The following RABL6 variants were observed in gnomAD, a reference collection of about 807,000 sequenced individuals.
The protein encoded by RABL6 is rab-like protein 6.
In RABL6, 28 loss-of-function variants were observed where a neutral mutation model predicts 72.9. The ratio of observed to expected loss-of-function variants is 0.38; its 90% CI spans 0.28 to 0.53. The LOEUF is 0.53. Among genes scored for constraint, RABL6 ranks in the 20% least tolerant of loss-of-function variants. The pLI is 0.80. For missense variants in RABL6, 1,029 were observed against 1,008.4 expected (o/e 1.02, Z -0.28); for synonymous variants, 477 against 421.2 (o/e 1.13, Z -1.62).
chr9:136,838,973 G>T lies in RABL6; in HGVS notation c.1345G>T (p.Asp449Tyr), dbSNP rs1236650033. The T allele has an allele frequency of 2.5e-6, 4 of 1,611,414 alleles. No individual in the cohort carries two copies. The African/African-American group carries it at 5.3e-5, about 21-fold the overall frequency. Reference protein sequence around the residue: ...AGFQDDVDLEDQPRGSPPLPA... With the variant: ...AGFQDDVDLEYQPRGSPPLPA... ...GTTCCAGGACGATGTGGACCTCGAA[G>T]ACCAGCCACGTGGGAGTCCCCCGCT... Residue 449 changes from aspartate (D) to tyrosine (Y), a missense_variant, in exon 11 of 15, where the codon GAC (aspartate) becomes TAC (tyrosine). By Grantham distance (160) the Asp-to-Tyr change is radical (BLOSUM62 -3). This residue lies in a region of RABL6 where 595 missense variants were observed against 472.4 expected (regional missense o/e 1.26). Transcript: ENST00000311502.
In RABL6 at chr9:136,823,636, C is replaced by T; in HGVS notation, c.242C>T (p.Thr81Ile). Residue 81 changes from threonine to isoleucine, a missense_variant, in exon 2 of 15, where the codon ACC becomes ATC. Physicochemically the swap from Thr to Ile is moderately conservative, Grantham distance 89. Transcript: ENST00000311502. ...EYIPTQEIQV[T>I]SIHWSYKTTD... ...ATCCCCACACAGGAGATCCAGGTCA[C>T]CAGCATCCACTGGAGCTACAAGAGT... is the stretch of plus-strand genomic sequence containing the variant. The T allele has an allele frequency of 1.9e-6, 3 of 1,612,608 alleles. No individual in the cohort carries two copies. Among genetic ancestry groups the T allele is most frequent in the Non-Finnish European group, 2.5e-6 (3 of 1,179,166 alleles).
At position 136,840,116 on chromosome 9, in the gene RABL6, G is replaced by GGC. The variant is rs776862945; in HGVS notation, c.1931-37_1931-36dup. On this transcript the variant is annotated intron_variant, in intron 13 of 14. Transcript: ENST00000311502. The stretch of plus-strand genomic sequence containing the variant: ...TGTCACCCAGCTTGGGGTCCCCGTT[G>GGC]GCCTGAGTTTGAGCCACTGTCTGTC... 4 of 1,612,530 alleles carry GGC rather than the reference G, an allele frequency of 2.5e-6. No homozygotes were observed. In the African/African-American group the frequency reaches 5.3e-5, roughly 22 times the overall value.
At chr9:136,814,063 A>G in intron 1 of RABL6, 1 of 384,136 alleles carries the variant, frequency 2.6e-6, no homozygotes, top group Non-Finnish European at 5.2e-6. Context: ...CAAACCAGCG[A>G]GTTCCAAGGC....
Position 136,840,212 on chromosome 9 carries a change from G to A in RABL6, c.1989G>A (p.Glu663=). The change falls in exon 14 of 15, where the codon GAG becomes GAA. Residue 663 remains glutamate, a splice_region_variant and synonymous_variant. Transcript: ENST00000311502. Reference sequence around the variant, plus strand: ...AGAAGAAGAAGAAAAAAGGCAAAGAGGTACTGGCTACTCCCCTTCCTGGCA... The same window carrying A: ...AGAAGAAGAAGAAAAAAGGCAAAGAAGTACTGGCTACTCCCCTTCCTGGCA... The part of the protein sequence containing the change: ...EKKKKKKKGK[E]EEEKAAKKKS... 1 of 1,612,876 alleles carries A rather than the reference G, an allele frequency of 6.2e-7. No individual in the cohort carries two copies. The highest frequency in any genetic ancestry group is 8.5e-7 in the Non-Finnish European group (1 of 1,179,824).
intron 3 of RABL6, chr9:136,827,476 C>A (rs575824463): frequency 6.6e-6 from 1 of 152,272 alleles, no homozygotes; most frequent in African/African-American, 2.4e-5. Flanking sequence ...GTCCCGCCTG[C>A]TTTCCCCAAA....
intron 1 of RABL6, chr9:136,822,171 T>C: frequency 9.1e-7 from 1 of 1,100,212 alleles, no homozygotes; most frequent in Non-Finnish European, 1.2e-6. Flanking sequence ...GTTGGGAGCT[T>C]GGGGTCCCCC....
intron 13 of RABL6, 104 bp from the exon 14 acceptor site, chr9:136,840,050 A>G: frequency 6.5e-7 from 1 of 1,546,950 alleles, no homozygotes; most frequent in East Asian, 2.2e-5. Flanking sequence ...GGCCTCCTGG[A>G]GGGCTGGGGC....
chr9:136,821,439 G>A (rs1467484192), intron 1 of RABL6: 2 of 985,352 alleles, frequency 2.0e-6, no homozygotes, highest in Non-Finnish European at 2.4e-6. Flanking sequence ...CCGCCGCTCA[G>A]GCCGTGGACC....
intron 8 of RABL6, 118 bp from the exon 9 acceptor site, chr9:136,837,228 G>T (rs1293747656): frequency 1.7e-6 from 2 of 1,179,054 alleles, no homozygotes; most frequent in Admixed American, 4.0e-5. Flanking sequence ...GGGGCGGGTG[G>T]CCCAGAACAC....
In RABL6 at chr9:136,828,501, C is replaced by G. The variant is rs750129558; in HGVS notation, c.321C>G (p.Cys107Trp). 6.2e-7 allele frequency: 1 copy of G among 1,613,006 alleles called. No homozygotes were observed. The highest frequency in any genetic ancestry group is 8.5e-7 in the Non-Finnish European group (1 of 1,179,750). Reference sequence around the variant, plus strand: ...TGTTTGTTTTTAAATAAGGAAAATGCAAAAAGCGAGGCGACGGCTTAAAGA... The same window carrying G: ...TGTTTGTTTTTAAATAAGGAAAATGGAAAAAGCGAGGCGACGGCTTAAAGA... ...EVWDVVDKGK[C>W]KKRGDGLKME... Residue 107 changes from cysteine (C) to tryptophan (W), a missense_variant, in exon 4 of 15, where the codon TGC becomes TGG. This residue lies in a region of RABL6 where 434 missense variants were observed against 536.1 expected (regional missense o/e 0.81). Transcript: ENST00000311502.
In RABL6 at chr9:136,808,162, C is replaced by T. The variant is rs1478623248; in HGVS notation, c.-35C>T. ...CCTTCCCCGCCGCCGCTGAGCTCGC[C>T]GGCCGCGCCCGGGCTGGGACGTCCG... On this transcript the variant is annotated 5_prime_UTR_variant, in exon 1 of 15. Coordinates refer to ENST00000311502, the MANE Select transcript of RABL6 (RefSeq NM_024718.5). The T allele has an allele frequency of 1.4e-6, 2 of 1,476,282 alleles. No homozygotes were observed. The highest frequency in any genetic ancestry group is 1.8e-6 in the Non-Finnish European group (2 of 1,110,392). 91.4% of individuals were successfully genotyped at this position (1,476,282 alleles called of 1,614,324 possible). A position where few individuals can be genotyped will look rare whatever the true frequency, so the allele number is the denominator to read the frequency against.
Position 136,837,383 on chromosome 9 carries a change from G to A in RABL6, c.847G>A (p.Ala283Thr), listed in dbSNP as rs538050970. ...GATGGAGGCTCGCAGCCGTGGCCATGCGTCCCCACTGGCGGCCAACGGGCA... is the reference window on the plus strand; with the variant it reads ...GATGGAGGCTCGCAGCCGTGGCCATACGTCCCCACTGGCGGCCAACGGGCA... ...EMMEARSRGH[A>T]SPLAANGQSP... Residue 283 changes from alanine to threonine, a missense_variant, in exon 9 of 15, where the codon GCG (alanine) becomes ACG (threonine). Physicochemically the swap from Ala to Thr is moderately conservative, Grantham distance 58 (BLOSUM62 0). Around this residue, in one of 2 missense-constraint regions of RABL6, gnomAD observed 434 missense variants for 536.1 expected, o/e 0.81. Transcript: ENST00000311502. The A allele has an allele frequency of 1.9e-5, 31 of 1,602,580 alleles. No individual in the cohort carries two copies. The East Asian group carries it at 6.8e-4, about 35-fold the overall frequency.
Position 136,831,792 on chromosome 9 carries a change from A to G in RABL6, c.530A>G (p.Tyr177Cys), listed in dbSNP as rs748957162. The G allele has an allele frequency of 6.8e-6, 11 of 1,613,170 alleles. No homozygotes were observed. In the South Asian group the frequency reaches 1.1e-4, roughly 16 times the overall value. ...THVPVCVLGN[Y>C]RDMGEHRVIL... ...GTGCCAGTGTGCGTGCTGGGAAACT[A>G]CCGGGACATGGGCGAGCACCGAGTC... is the stretch of plus-strand genomic sequence containing the variant. Residue 177 changes from tyrosine (Y) to cysteine (C), a missense_variant, in exon 6 of 15, where the codon TAC becomes TGC. Coordinates refer to ENST00000311502, the MANE Select transcript of RABL6 (RefSeq NM_024718.5).
At chr9:136,828,338 C>T in intron 3 of RABL6, 156 bp from the exon 4 acceptor site, 1 of 705,736 alleles carries the variant, frequency 1.4e-6, no homozygotes, top group Non-Finnish European at 2.5e-6. Flanking sequence ...CCTGCTGCTC[C>T]AGAGCTTGTG....
intron 1 of RABL6, chr9:136,822,127 G>T: frequency 8.0e-7 from 1 of 1,256,494 alleles, no homozygotes; most frequent in Non-Finnish European, 1.0e-6. Flanking sequence ...ACAGCCCAGG[G>T]TCCCTCAGAG....
rs781649317 is a variant in RABL6, at chr9:136,837,972, G to A, written c.1237G>A (p.Glu413Lys). 3.9e-5 allele frequency: 61 copies of A among 1,569,448 alleles called. 1 individual carries two copies. The highest frequency in any genetic ancestry group is 1.1e-4 in the Admixed American group (6 of 53,386). The change falls in exon 10 of 15, where the codon GAG (glutamate) becomes AAG (lysine). Residue 413 changes from glutamate to lysine, a missense_variant. By Grantham distance (56) the Glu-to-Lys change is moderately conservative. Coordinates refer to ENST00000311502, the MANE Select transcript of RABL6 (RefSeq NM_024718.5). ...GGAAGACACAACCCCCGCCAGGGAC[G>A]AGAAGAAGGTGGGGGCCAAGGCTGC... ...FLEDTTPARD[E>K]KKVGAKAAQQ...
At chr9:136,819,267 A>G (rs1268868197) in intron 1 of RABL6, among the ~76,000 whole-genome samples, 2 of 148,972 alleles carry the variant, frequency 1.3e-5, no homozygotes, top group Non-Finnish European at 3.0e-5. Flanking sequence ...GCTTGCAGTG[A>G]GCCGAGATGG....
In RABL6 at chr9:136,826,092, G is replaced by T. The variant is rs1021462439; in HGVS notation, c.313+266G>T. Among the ~76,000 whole-genome samples, 2 of 152,180 alleles carry T rather than the reference G, an allele frequency of 1.3e-5. No individual in the cohort carries two copies. Among genetic ancestry groups the T allele is most frequent in the Non-Finnish European group, 2.9e-5 (2 of 68,022 alleles). ...ACGGTGGCGGCAGGTGCAGCCGGGG[G>T]GTGTGCTTTGAGCCCCAAGGCCCAG... On this transcript the variant is annotated intron_variant, in intron 3 of 14. Transcript: ENST00000311502. This position sits in a 1 kb window ranked among gnomAD's most constrained non-coding sequence, Gnocchi z 4.9.
rs2131145612 is a variant in RABL6 at position 136,808,138 on chromosome 9, C to G, written c.-59C>G. On this transcript the variant is annotated 5_prime_UTR_variant, in exon 1 of 15. Coordinates refer to ENST00000311502, the MANE Select transcript of RABL6 (RefSeq NM_024718.5). ...CCGGGACATGGTGCCAGTCGCACCCCTTCCCCGCCGCCGCTGAGCTCGCCG... is the reference window on the plus strand; with the variant it reads ...CCGGGACATGGTGCCAGTCGCACCCGTTCCCCGCCGCCGCTGAGCTCGCCG... 1 of 1,454,036 alleles carries G rather than the reference C, an allele frequency of 6.9e-7. No individual in the cohort carries two copies. The highest frequency in any genetic ancestry group is 1.3e-5 in the South Asian group (1 of 76,672). The allele number at this position is 1,454,036 out of a possible 1,614,324, so 90.1% of individuals were successfully genotyped here.
Sources: allele counts gnomAD v4.1 joint callset (sites outside exome capture counted in the v4.1 genomes callset), GRCh38; gene constraint gnomAD v4.1.1; regional missense constraint gnomAD v4.1.1; non-coding constraint Gnocchi (gnomAD v3.1); transcripts MANE v1.5; gene names NCBI Gene and HGNC (gene_info 2026-07-23, HGNC 2026-07-21).